YWHAE: variants seen among roughly 807,000 people sequenced by gnomAD.
YWHAE encodes tyrosine 3-monooxygenase/tryptophan 5-monooxygenase activation protein epsilon.
A neutral mutation model predicts 30.1 loss-of-function variants in YWHAE; 4 were observed. The ratio of observed to expected loss-of-function variants is 0.13; its 90% CI spans 0.07 to 0.30. The LOEUF (loss-of-function observed/expected upper bound fraction) is 0.30, where lower values mean the gene tolerates loss of function less well. Ranked by LOEUF, YWHAE falls within the 10% of genes least tolerant of loss-of-function variation. The pLI, the probability that YWHAE is intolerant of heterozygous loss-of-function variation, is 1.00. For missense variants in YWHAE, 121 were observed against 315.9 expected, an observed-to-expected ratio of 0.38 and a Z score of 4.68; for synonymous variants, 118 against 111.8, an observed-to-expected ratio of 1.06 and a Z score of -0.35.
At chr17:1,388,386 G>A (rs2073340290) in intron 1 of YWHAE, among the ~76,000 whole-genome samples, 2 of 151,744 alleles carry the variant, frequency 1.3e-5, no homozygotes, top group South Asian at 4.2e-4. Flanking sequence ...CGTGGTGGCA[G>A]GCGCCTGTAG....
At chr17:1,395,339 C>G (rs541640451) in intron 1 of YWHAE, among the ~76,000 whole-genome samples, 3 of 152,106 alleles carry the variant, frequency 2.0e-5, no homozygotes, top group East Asian at 3.9e-4. Flanking sequence ...ACCATCCTGG[C>G]CAACATGGTG....
chr17:1,370,986 G>C (rs1041977134), intron 1 of YWHAE, among the ~76,000 whole-genome samples: 1 of 151,992 alleles, frequency 6.6e-6, no homozygotes, highest in East Asian at 1.9e-4. Context: ...GCGACACAGC[G>C]AGACTCCTTC....
At chr17:1,351,264 AAGGCAGGAGAATCAG>A (rs1199041962) in intron 5 of YWHAE, among the ~76,000 whole-genome samples, 4 of 151,396 alleles carry the variant, frequency 2.6e-5, no homozygotes, top group South Asian at 2.1e-4. Context: ...TAGGGAGGAT[AAGGCAGGAGAATCAG>A]AGGCAGGAGA....
intron 1 of YWHAE, among the ~76,000 whole-genome samples, chr17:1,376,113 G>A (rs1269458221): frequency 6.6e-6 from 1 of 152,194 alleles, no homozygotes; most frequent in Non-Finnish European, 1.5e-5. Flanking sequence ...CTACAACTCA[G>A]GGAATCTGAC....
intron 1 of YWHAE, among the ~76,000 whole-genome samples, chr17:1,377,683 A>G (rs2073145531): frequency 6.6e-6 from 1 of 152,234 alleles, no homozygotes; most frequent in South Asian, 2.1e-4. Context: ...AAGGCTAATC[A>G]ATTAGCCAAT....
intron 1 of YWHAE, among the ~76,000 whole-genome samples, chr17:1,380,344 T>G (rs1265443868): frequency 6.6e-6 from 1 of 152,086 alleles, no homozygotes; most frequent in Non-Finnish European, 1.5e-5. Flanking sequence ...ACTCGTGACC[T>G]CAGGTGATCT....
intron 5 of YWHAE, among the ~76,000 whole-genome samples, chr17:1,346,240 T>A (rs2072514305): frequency 6.6e-6 from 1 of 152,194 alleles, no homozygotes; most frequent in Non-Finnish European, 1.5e-5. Flanking sequence ...TGGAGGGTCA[T>A]CTACCTATTA....
chr17:1,366,403 T>C (rs954568447), intron 1 of YWHAE, among the ~76,000 whole-genome samples: 25 of 151,218 alleles, frequency 1.7e-4, no homozygotes, highest in African/African-American at 5.8e-4. Flanking sequence ...CTGCGTTTGG[T>C]GGTGCGCGCC....
chr17:1,368,563 CAAAAAAA>C (rs11285222), intron 1 of YWHAE, among the ~76,000 whole-genome samples: 4 of 102,434 alleles, frequency 3.9e-5, no homozygotes, highest in East Asian at 5.6e-4. Flanking sequence ...GACTCTGTCT[CAAAAAAA>C]AAAAAAAAAA....
chr17:1,393,943 T>C (rs1028741187), intron 1 of YWHAE, among the ~76,000 whole-genome samples: 13 of 152,188 alleles, frequency 8.5e-5, no homozygotes, highest in Non-Finnish European at 1.6e-4. Flanking sequence ...AGATTTTGTC[T>C]ACAATTCACC....
chr17:1,375,667 G>A (rs970090669), intron 1 of YWHAE, among the ~76,000 whole-genome samples: 2 of 152,170 alleles, frequency 1.3e-5, no homozygotes, highest in Non-Finnish European at 2.9e-5. Context: ...ATTAAACATA[G>A]TTAAGTCTCT....
intron 1 of YWHAE, among the ~76,000 whole-genome samples, chr17:1,388,122 T>A (rs1416468106): frequency 1.6e-5 from 1 of 61,438 alleles, no homozygotes; most frequent in Non-Finnish European, 3.2e-5. Context: ...TGGTTGGTTT[T>A]TTTTTTTTTT....
chr17:1,391,761 T>C (rs956095389), intron 1 of YWHAE, among the ~76,000 whole-genome samples: 3 of 152,060 alleles, frequency 2.0e-5, no homozygotes, highest in Non-Finnish European at 4.4e-5. Flanking sequence ...GAGGATCGCT[T>C]GAACCCAGGA....
intron 1 of YWHAE, among the ~76,000 whole-genome samples, chr17:1,370,352 C>T (rs9890128): frequency 0.4 from 60,684 of 151,120 alleles, 12,364 homozygotes; most frequent in Admixed American, 0.49. Context: ...AGGACGGTCT[C>T]GATCTCCTGA....
chr17:1,381,351 C>A (rs1251239597), intron 1 of YWHAE, among the ~76,000 whole-genome samples: 1 of 151,932 alleles, frequency 6.6e-6, no homozygotes, highest in Admixed American at 6.6e-5. Flanking sequence ...CCCGACTCTA[C>A]TAAAAACACA....
intron 5 of YWHAE, among the ~76,000 whole-genome samples, chr17:1,349,186 C>T (rs116986014): frequency 0.012 from 1,880 of 151,338 alleles, 31 homozygotes; most frequent in East Asian, 0.052. Flanking sequence ...ACTGAAAATA[C>T]GAATTATTGC....
chr17:1,361,231 T>C lies in YWHAE; in HGVS notation c.439A>G (p.Asn147Asp). 3 of 1,613,874 alleles carry C rather than the reference T, an allele frequency of 1.9e-6. No homozygotes were observed. Among genetic ancestry groups the C allele is most frequent in the Non-Finnish European group, 2.5e-6 (3 of 1,179,918 alleles). ...TGNDRKEAAE[N>D]SLVAYKAASD... ...GCAGCTTTATAAGCCACTAGGCTGTTCTCCGCAGCCTCCTTCCTGTCGTTT... is the reference window on the plus strand; with the variant it reads ...GCAGCTTTATAAGCCACTAGGCTGTCCTCCGCAGCCTCCTTCCTGTCGTTT... Residue 147 changes from asparagine to aspartate, a missense_variant, in exon 4 of 6, where the codon AAC (asparagine) becomes GAC (aspartate). Asn to Asp is a conservative substitution (Grantham distance 23, BLOSUM62 1). This residue lies in a region of YWHAE where 99 missense variants were observed against 289.3 expected (regional missense o/e 0.34). Transcript: ENST00000264335.
At chr17:1,379,254 G>T (rs1199514954) in intron 1 of YWHAE, among the ~76,000 whole-genome samples, 1 of 152,186 alleles carries the variant, frequency 6.6e-6, no homozygotes, top group African/African-American at 2.4e-5. Flanking sequence ...GGAGGATGAA[G>T]CGGGCAGGCT....
intron 1 of YWHAE, among the ~76,000 whole-genome samples, chr17:1,382,885 T>G (rs1038274769): frequency 1.3e-5 from 2 of 148,594 alleles, no homozygotes; most frequent in African/African-American, 5.0e-5. Flanking sequence ...ATTATCCAGG[T>G]GTGTTGGCAT....
Sources: gnomAD v4.1 joint callset for allele counts (sites outside exome capture counted in the v4.1 genomes callset) on GRCh38, gnomAD v4.1.1 for gene constraint, gnomAD v4.1.1 regional missense constraint, MANE v1.5 for transcripts, NCBI Gene and HGNC (gene_info 2026-07-23, HGNC 2026-07-21) for gene names.